GOLM2: variants seen among roughly 807,000 people sequenced by gnomAD.
The protein encoded by GOLM2 is protein GOLM2.
In GOLM2, 26 loss-of-function variants were observed where a neutral mutation model predicts 55.9. The observed-to-expected ratio is 0.47, with a 90% CI of 0.34 to 0.65. The LOEUF is 0.65. Ranked by LOEUF, GOLM2 falls within the 30% of genes least tolerant of loss-of-function variation. The probability of loss-of-function intolerance (pLI) is 0.01; values close to 1 mark genes in which losing one functional copy is unlikely to be tolerated. For synonymous variants in GOLM2, 165 were observed against 194.6 expected (o/e 0.85, Z 1.27); for missense variants, 486 against 531.8 (o/e 0.91, Z 0.85).
intron 6 of GOLM2, among the ~76,000 whole-genome samples, chr15:44,377,881 A>G (rs972714529): frequency 6.6e-6 from 1 of 151,688 alleles, no homozygotes; most frequent in Non-Finnish European, 1.5e-5. Flanking sequence ...AAATAAAAAA[A>G]AACCCACCAG....
intron 6 of GOLM2, among the ~76,000 whole-genome samples, chr15:44,360,139 A>T (rs559648753): frequency 3.9e-5 from 6 of 152,246 alleles, no homozygotes; most frequent in Admixed American, 6.5e-5. Context: ...AAGAAACTGC[A>T]TCAACTAACG....
intron 1 of GOLM2, among the ~76,000 whole-genome samples, chr15:44,307,000 T>C (rs576974385): frequency 1.4e-4 from 21 of 152,232 alleles, no homozygotes; most frequent in Middle Eastern, 6.8e-3. Flanking sequence ...TAAAGAAAAT[T>C]TTGAAATATT....
intron 6 of GOLM2, among the ~76,000 whole-genome samples, chr15:44,365,997 T>TA (rs2079280872): frequency 6.6e-6 from 1 of 152,130 alleles, no homozygotes; most frequent in African/African-American, 2.4e-5. Context: ...GTTGTGAACT[T>TA]AAAACTGCTC....
chr15:44,402,092 A>C (rs1211299773), intron 8 of GOLM2, among the ~76,000 whole-genome samples: 1 of 151,864 alleles, frequency 6.6e-6, no homozygotes, highest in Non-Finnish European at 1.5e-5. Context: ...GGCCTCCCAA[A>C]GTGCTGGGAT....
Position 44,338,333 on chromosome 15 carries a change from T to TA in GOLM2, c.802+17dup, listed in dbSNP as rs2079070914. 1 of 1,594,842 alleles carries TA rather than the reference T, an allele frequency of 6.3e-7. No individual in the cohort carries two copies. Among genetic ancestry groups the TA allele is most frequent in the Non-Finnish European group, 8.6e-7 (1 of 1,163,068 alleles). ...CTTCCCCCTGGTAAGTAAAAATTGT[T>TA]AGAGAATTCGACTAAAGTGATGATA... On this transcript the variant is annotated intron_variant, in intron 6 of 9. Coordinates refer to ENST00000299957, the MANE Select transcript of GOLM2 (RefSeq NM_138423.4).
intron 6 of GOLM2, among the ~76,000 whole-genome samples, chr15:44,352,042 A>T (rs991210826): frequency 2.6e-5 from 4 of 152,220 alleles, no homozygotes; most frequent in African/African-American, 9.6e-5. Context: ...TCAAAATATG[A>T]CATTCTTCCC....
At chr15:44,300,373 T>C (rs961933971) in intron 1 of GOLM2, among the ~76,000 whole-genome samples, 4 of 152,244 alleles carry the variant, frequency 2.6e-5, no homozygotes, top group Non-Finnish European at 5.9e-5. Context: ...TGCTATACAC[T>C]AAAATGATCT....
intron 1 of GOLM2, among the ~76,000 whole-genome samples, chr15:44,310,065 G>A (rs2078863009): frequency 1.3e-5 from 2 of 151,924 alleles, no homozygotes; most frequent in Non-Finnish European, 1.5e-5. Flanking sequence ...TGTATTTTTT[G>A]TAGAGACTGG....
intron 6 of GOLM2, among the ~76,000 whole-genome samples, chr15:44,348,294 C>T (rs2079138398): frequency 6.6e-6 from 1 of 151,976 alleles, no homozygotes; most frequent in Admixed American, 6.6e-5. Flanking sequence ...TCTGGACCTA[C>T]ACTATGCTAG....
chr15:44,289,344 C>T lies in GOLM2; in HGVS notation c.315C>T (p.Cys105=). 1 of 1,612,006 alleles carries T rather than the reference C, an allele frequency of 6.2e-7. No homozygotes were observed. Among genetic ancestry groups the T allele is most frequent in the South Asian group, 1.1e-5 (1 of 90,866 alleles). The stretch of plus-strand genomic sequence containing the variant: ...CCAGAGAGGGCCTCGGGAAGAGATG[C>T]GAGGATGACAAGGTAAGGACGACCC... The part of the protein sequence containing the change: ...LQAREGLGKR[C]EDDKVKLQNN... Residue 105 remains cysteine, a synonymous_variant, in exon 1 of 10, where the codon TGC becomes TGT. Transcript: ENST00000299957. This position sits in a 1 kb window ranked among gnomAD's most constrained non-coding sequence, Gnocchi z 4.8.
chr15:44,355,700 C>G, intron 6 of GOLM2: 1 of 196,552 alleles, frequency 5.1e-6, no homozygotes, highest in Non-Finnish European at 1.1e-5. Flanking sequence ...TAACAGCCCT[C>G]CGGACTACCA....
chr15:44,406,628 A>G (rs549795600), intron 9 of GOLM2: 3 of 152,340 alleles, frequency 2.0e-5, no homozygotes, highest in Non-Finnish European at 4.4e-5. Context: ...TGTCTGAAAC[A>G]GATCTATTCC....
intron 1 of GOLM2, among the ~76,000 whole-genome samples, chr15:44,309,298 G>A (rs1326735998): frequency 6.6e-6 from 1 of 152,140 alleles, no homozygotes; most frequent in Non-Finnish European, 1.5e-5. Context: ...TTAAAGGAAG[G>A]CTACCAGGGA....
At chr15:44,385,982 A>G (rs979240415) in intron 8 of GOLM2, among the ~76,000 whole-genome samples, 2 of 152,178 alleles carry the variant, frequency 1.3e-5, no homozygotes, top group Non-Finnish European at 2.9e-5. Context: ...TGCACAGTCT[A>G]TGGGTTGTCT....
rs950194459 is a variant in GOLM2, at chr15:44,415,026, A to G, written c.*1620A>G. ...ACTGTTAATTGCACATAAACATGAA[A>G]TGTGTTTTCCCCTGTGTACTAACAC... On this transcript the variant is annotated 3_prime_UTR_variant, in exon 10 of 10. Coordinates refer to ENST00000299957, the MANE Select transcript of GOLM2 (RefSeq NM_138423.4). The G allele has an allele frequency of 6.6e-6, 1 of 152,634 alleles. No homozygotes were observed. The highest frequency in any genetic ancestry group is 2.4e-5 in the African/African-American group (1 of 41,454). The allele number at this position is 152,634 out of a possible 1,614,324, so 9.5% of individuals were successfully genotyped here. A position where few individuals can be genotyped will look rare whatever the true frequency, so the allele number is the denominator to read the frequency against.
intron 6 of GOLM2, among the ~76,000 whole-genome samples, chr15:44,360,543 A>T (rs1483025888): frequency 2.6e-5 from 4 of 152,194 alleles, no homozygotes; most frequent in Non-Finnish European, 5.9e-5. Context: ...GAGCACCCAG[A>T]TTCATAAAGC....
intron 8 of GOLM2, among the ~76,000 whole-genome samples, chr15:44,402,360 T>G (rs1391078509): frequency 6.6e-6 from 1 of 151,940 alleles, no homozygotes; most frequent in Non-Finnish European, 1.5e-5. Flanking sequence ...CCCAGTTAAT[T>G]TTTGTATTTT....
At position 44,323,512 on chromosome 15, in the gene GOLM2, C is replaced by T. The variant is rs549845418; in HGVS notation, c.382+493C>T. Among the ~76,000 whole-genome samples, 50 of 150,442 alleles carry T rather than the reference C, an allele frequency of 3.3e-4. No homozygotes were observed. In the South Asian group the frequency reaches 0.01, roughly 31 times the overall value. ...ATAAATAATAATAAATATAAAAATA[C>T]ACACACATATTTTTACTTGGATGAA... On this transcript the variant is annotated intron_variant, in intron 2 of 9. Coordinates refer to ENST00000299957, the MANE Select transcript of GOLM2 (RefSeq NM_138423.4).
At chr15:44,393,836 T>C (rs117175016) in intron 8 of GOLM2, among the ~76,000 whole-genome samples, 7,540 of 152,162 alleles carry the variant, frequency 0.05, 304 homozygotes, top group East Asian at 0.19. Flanking sequence ...AGATTACAGG[T>C]GCATGCCACA....
Sources: gnomAD v4.1 joint callset for allele counts (sites outside exome capture counted in the v4.1 genomes callset) on GRCh38, gnomAD v4.1.1 for gene constraint, Gnocchi (gnomAD v3.1) non-coding constraint, MANE v1.5 for transcripts, NCBI Gene and HGNC (gene_info 2026-07-23, HGNC 2026-07-21) for gene names.